SEC24D: variants seen among roughly 807,000 people sequenced by gnomAD.
SEC24D encodes the protein protein transport protein Sec24D.
In SEC24D, 69 loss-of-function variants were observed where a neutral mutation model predicts 116.9. That is an observed-to-expected ratio of 0.59 (90% confidence interval 0.49 to 0.72). The LOEUF is 0.72. SEC24D is among the 30% of genes least tolerant of loss of function. SEC24D has a pLI of 0.00. For missense variants in SEC24D, 1,131 were observed against 1,264.1 expected, an observed-to-expected ratio of 0.89 and a Z score of 1.60; for synonymous variants, 405 against 442.8, an observed-to-expected ratio of 0.91 and a Z score of 1.07.
At chr4:118,755,818 A>G (rs1727066155) in intron 11 of SEC24D, among the ~76,000 whole-genome samples, 1 of 152,224 alleles carries the variant, frequency 6.6e-6, no homozygotes, top group Non-Finnish European at 1.5e-5. Flanking sequence ...TTGTTTTAAA[A>G]GATAAAGTAG....
intron 7 of SEC24D, among the ~76,000 whole-genome samples, chr4:118,801,085 C>T (rs777739028): frequency 2.6e-5 from 4 of 152,032 alleles, no homozygotes; most frequent in Non-Finnish European, 5.9e-5. Flanking sequence ...CACGGTGAAA[C>T]CCCGTCTCTA....
chr4:118,825,263 G>A (rs1560762871), intron 2 of SEC24D, among the ~76,000 whole-genome samples: 3 of 152,202 alleles, frequency 2.0e-5, no homozygotes, highest in Non-Finnish European at 4.4e-5. Flanking sequence ...TTCCTTCAGA[G>A]CTTAAAAATC....
intron 14 of SEC24D, 142 bp from the exon 15 acceptor site, chr4:118,744,300 AAC>A: frequency 1.2e-6 from 1 of 839,452 alleles, no homozygotes; most frequent in Non-Finnish European, 1.8e-6. Flanking sequence ...GGGCTGAAGA[AAC>A]ACACTGTGGT....
intron 2 of SEC24D, among the ~76,000 whole-genome samples, chr4:118,827,666 G>A (rs1730643029): frequency 6.6e-6 from 1 of 152,210 alleles, no homozygotes; most frequent in Admixed American, 6.5e-5. Context: ...CCAGCCTGGT[G>A]GCAGAGATGA....
chr4:118,777,612 T>C (rs953753765), intron 8 of SEC24D, among the ~76,000 whole-genome samples: 25 of 152,298 alleles, frequency 1.6e-4, no homozygotes, highest in African/African-American at 5.8e-4. Flanking sequence ...TTATAATCCT[T>C]TGGGTATATA....
intron 8 of SEC24D, among the ~76,000 whole-genome samples, chr4:118,796,729 G>GA (rs952712740): frequency 1.3e-5 from 2 of 152,196 alleles, no homozygotes; most frequent in African/African-American, 4.8e-5. Context: ...GTGAGCCCAA[G>GA]AAAGGGAACG....
chr4:118,754,088 G>T (rs1726963841), intron 11 of SEC24D: 1 of 152,098 alleles, frequency 6.6e-6, no homozygotes, highest in South Asian at 2.1e-4. Context: ...ACTCTGAACT[G>T]TGTTTTCTTC....
At chr4:118,817,530 CTGA>C (rs1403233293) in intron 3 of SEC24D, 118 bp from the exon 4 acceptor site, 2 of 733,390 alleles carry the variant, frequency 2.7e-6, no homozygotes, top group Non-Finnish European at 4.2e-6. Context: ...AGGAAAATGA[CTGA>C]TATTATATAC....
At chr4:118,811,044 A>G (rs894045733) in intron 6 of SEC24D, among the ~76,000 whole-genome samples, 9 of 152,356 alleles carry the variant, frequency 5.9e-5, no homozygotes, top group South Asian at 2.1e-4. Context: ...TGACCATTAG[A>G]TTTGGTAACA....
intron 13 of SEC24D, among the ~76,000 whole-genome samples, chr4:118,750,198 G>A (rs535704977): frequency 9.2e-5 from 14 of 152,322 alleles, no homozygotes; most frequent in South Asian, 8.3e-4. Flanking sequence ...GTTGTACTGC[G>A]TGAGCAACCT....
chr4:118,729,252 G>C (rs553435394), intron 21 of SEC24D: 1 of 151,842 alleles, frequency 6.6e-6, no homozygotes, highest in Non-Finnish European at 1.5e-5. Context: ...TGCCCAGCTG[G>C]TGTTATAAGT....
intron 8 of SEC24D, among the ~76,000 whole-genome samples, chr4:118,783,601 G>C (rs1728528823): frequency 1.3e-5 from 2 of 152,102 alleles, no homozygotes; most frequent in Non-Finnish European, 2.9e-5. Context: ...TTCATAAAAT[G>C]GTCATAGTTT....
At chr4:118,788,290 T>A (rs1174739847) in intron 8 of SEC24D, among the ~76,000 whole-genome samples, 2 of 152,216 alleles carry the variant, frequency 1.3e-5, no homozygotes, top group Admixed American at 6.5e-5. Context: ...ACTGGAAAAG[T>A]AAGACAGACA....
intron 10 of SEC24D, among the ~76,000 whole-genome samples, chr4:118,759,005 C>T (rs1015847800): frequency 6.6e-6 from 1 of 152,098 alleles, no homozygotes; most frequent in African/African-American, 2.4e-5. Flanking sequence ...AAATAACAAC[C>T]TTTCCATTAG....
At chr4:118,794,830 AC>A (rs986988478) in intron 8 of SEC24D, among the ~76,000 whole-genome samples, 4 of 152,218 alleles carry the variant, frequency 2.6e-5, no homozygotes, top group South Asian at 2.1e-4. Context: ...TTAATATATT[AC>A]CCCGCTGTTT....
At chr4:118,729,033 T>G (rs928873826) in intron 21 of SEC24D, 6 of 106,498 alleles carry the variant, frequency 5.6e-5, no homozygotes, top group South Asian at 3.5e-4. Context: ...GGATTTTGGG[T>G]TTTTTTTGTC....
At position 118,773,245 on chromosome 4, in the gene SEC24D, A is replaced by C. The variant is rs28551135; in HGVS notation, c.1042-4934T>G. ...ACAGCACCAATATTCTACTTTACAA[A>C]GTGCCTGAAGGAAATACCTTGGCTA... is the stretch of plus-strand genomic sequence containing the variant. On this transcript the variant is annotated intron_variant, in intron 8 of 22. Transcript: ENST00000280551. 9.6e-3 allele frequency among the ~76,000 whole-genome samples: 1,454 copies of C among 152,244 alleles called. 24 individuals are homozygous for C. Among genetic ancestry groups the C allele is most frequent in the African/African-American group, 0.032 (1,349 of 41,528 alleles).
intron 13 of SEC24D, among the ~76,000 whole-genome samples, chr4:118,746,703 T>C (rs1368764548): frequency 6.6e-6 from 1 of 152,170 alleles, no homozygotes; most frequent in Non-Finnish European, 1.5e-5. Flanking sequence ...TCCAGCTCTC[T>C]GCCTGCAGCT....
intron 2 of SEC24D, among the ~76,000 whole-genome samples, chr4:118,830,021 A>G (rs976377154): frequency 1.3e-5 from 2 of 152,260 alleles, no homozygotes; most frequent in Non-Finnish European, 2.9e-5. Flanking sequence ...AGACAAGAAG[A>G]CACAGGAAGA....
Sources: allele counts gnomAD v4.1 joint callset (sites outside exome capture counted in the v4.1 genomes callset), GRCh38; gene constraint gnomAD v4.1.1; transcripts MANE v1.5; gene names NCBI Gene and HGNC (gene_info 2026-07-23, HGNC 2026-07-21).